MCC: variants seen among roughly 807,000 people sequenced by gnomAD.
The protein encoded by MCC is MCC regulator of Wnt signaling pathway, also known as colorectal mutant cancer protein.
In MCC, 90 loss-of-function variants were observed where a neutral mutation model predicts 116.2. That is an observed-to-expected ratio of 0.77 (90% CI 0.65 to 0.92). MCC has a LOEUF of 0.92. MCC is among the 40% of genes least tolerant of loss of function. MCC has a pLI of 0.00. For synonymous variants in MCC, 578 were observed against 510.5 expected (o/e 1.13, Z -1.78); for missense variants, 1,516 against 1,312.2 (o/e 1.16, Z -2.40).
chr5:113,392,588 T>G (rs762789248), intron 1 of MCC, among the ~76,000 whole-genome samples: 5 of 151,896 alleles, frequency 3.3e-5, no homozygotes, highest in Non-Finnish European at 7.4e-5. Flanking sequence ...CTCAAGAAAT[T>G]TATGCATAAA....
chr5:113,147,429 C>G (rs1449923043), intron 4 of MCC, among the ~76,000 whole-genome samples: 2 of 152,094 alleles, frequency 1.3e-5, no homozygotes, highest in Non-Finnish European at 2.9e-5. Context: ...CTTACTCCAC[C>G]GAGGCCACTG....
chr5:113,296,307 T>C (rs1269180603), intron 3 of MCC, among the ~76,000 whole-genome samples: 1 of 152,230 alleles, frequency 6.6e-6, no homozygotes, highest in Non-Finnish European at 1.5e-5. Context: ...AAGGTGTTTA[T>C]AGACTTGTAA....
chr5:113,206,738 A>G (rs772272922), intron 3 of MCC, among the ~76,000 whole-genome samples: 8 of 152,218 alleles, frequency 5.3e-5, no homozygotes, highest in Non-Finnish European at 1.0e-4. Context: ...ATTTTCAGGC[A>G]CTTTGAGGAA....
chr5:113,409,911 A>T (rs1308225047), intron 1 of MCC, among the ~76,000 whole-genome samples: 1 of 149,894 alleles, frequency 6.7e-6, no homozygotes, highest in African/African-American at 2.5e-5. Flanking sequence ...GGAAAATAGG[A>T]AAAGCAAAGA....
intron 11 of MCC, among the ~76,000 whole-genome samples, chr5:113,081,734 A>C (rs1754870012): frequency 6.6e-6 from 1 of 151,484 alleles, no homozygotes; most frequent in African/African-American, 2.4e-5. Flanking sequence ...TTCTGGATTT[A>C]ATAAGGAAAC....
intron 3 of MCC, among the ~76,000 whole-genome samples, chr5:113,259,677 G>C (rs746742350): frequency 6.6e-6 from 1 of 151,944 alleles, no homozygotes; most frequent in Admixed American, 6.6e-5. Context: ...AGGGTGATTC[G>C]AACTCCTAGA....
chr5:113,122,573 G>C (rs375146348), intron 6 of MCC, 111 bp downstream of exon 6: 1 of 1,288,150 alleles, frequency 7.8e-7, no homozygotes, highest in East Asian at 2.5e-5. Context: ...CATCCACTCA[G>C]CAAACCCCTT....
chr5:113,062,405 G>A (rs954621838), intron 14 of MCC, among the ~76,000 whole-genome samples: 1 of 152,190 alleles, frequency 6.6e-6, no homozygotes, highest in South Asian at 2.1e-4. Context: ...ATTTGTCTCT[G>A]ATTCAGAATA....
chr5:113,069,846 A>G (rs1753908460), intron 12 of MCC, among the ~76,000 whole-genome samples: 1 of 152,228 alleles, frequency 6.6e-6, no homozygotes, highest in African/African-American at 2.4e-5. Flanking sequence ...TCGGCCTCCT[A>G]AAATGCTGGG....
intron 5 of MCC, among the ~76,000 whole-genome samples, chr5:113,137,796 C>A (rs1758927757): frequency 6.6e-6 from 1 of 152,128 alleles, no homozygotes; most frequent in Non-Finnish European, 1.5e-5. Flanking sequence ...GCACCATATA[C>A]TGTTGCTAGT....
chr5:113,186,302 G>A (rs1405740001), intron 3 of MCC, among the ~76,000 whole-genome samples: 1 of 152,110 alleles, frequency 6.6e-6, no homozygotes, highest in Non-Finnish European at 1.5e-5. Flanking sequence ...GCAGCTCCAG[G>A]GGCTATAGAC....
chr5:113,337,662 G>A (rs952947789), intron 3 of MCC, among the ~76,000 whole-genome samples: 1 of 152,124 alleles, frequency 6.6e-6, no homozygotes, highest in Non-Finnish European at 1.5e-5. Flanking sequence ...GTGAATTACT[G>A]TGTGCTTTCT....
chr5:113,048,823 T>G, intron 16 of MCC: 1 of 546,894 alleles, frequency 1.8e-6, no homozygotes. Context: ...ACAGTATCAG[T>G]GGACAACTGC....
At chr5:113,354,498 G>A (rs777378794) in intron 2 of MCC, among the ~76,000 whole-genome samples, 2 of 149,264 alleles carry the variant, frequency 1.3e-5, no homozygotes, top group Admixed American at 6.7e-5. Flanking sequence ...GCAGTGGCAC[G>A]ATCTCGGCTC....
Position 113,294,427 on chromosome 5 carries a change from G to T in MCC, c.627+46092C>A, listed in dbSNP as rs758437196. On this transcript the variant is annotated intron_variant, in intron 3 of 18. Transcript: ENST00000408903. ...CTGGGCTCTCAGTCCCCCAGGTCTC[G>T]GAGCTTAAGAGTTGGACTTCACAGG... 4 of 1,613,142 alleles carry T rather than the reference G, an allele frequency of 2.5e-6. No homozygotes were observed. In the Admixed American group the frequency reaches 6.7e-5, roughly 27 times the overall value.
intron 2 of MCC, among the ~76,000 whole-genome samples, chr5:113,342,621 G>C (rs1245991797): frequency 2.0e-5 from 3 of 152,192 alleles, no homozygotes; most frequent in Admixed American, 2.0e-4. Context: ...CTTCCTGGAG[G>C]AGAAAGCCTG....
At chr5:113,044,408 G>A (rs1437783706) in intron 16 of MCC, 7 of 764,934 alleles carry the variant, frequency 9.2e-6, no homozygotes, top group Non-Finnish European at 1.1e-5. Flanking sequence ...ATGCCTGAGT[G>A]CTCTACATTC....
At chr5:113,088,693 A>G (rs1755375980) in intron 8 of MCC, among the ~76,000 whole-genome samples, 1 of 152,142 alleles carries the variant, frequency 6.6e-6, no homozygotes, top group African/African-American at 2.4e-5. Flanking sequence ...CGAAGAGGCA[A>G]GGAAGGATTC....
intron 3 of MCC, among the ~76,000 whole-genome samples, chr5:113,226,485 A>T (rs1300182815): frequency 2.6e-5 from 4 of 152,270 alleles, no homozygotes; most frequent in Non-Finnish European, 5.9e-5. Flanking sequence ...CAAAGAACAA[A>T]ATCAGGCTTT....
Sources: gnomAD v4.1 joint callset for allele counts (sites outside exome capture counted in the v4.1 genomes callset) on GRCh38, gnomAD v4.1.1 for gene constraint, MANE v1.5 for transcripts, NCBI Gene and HGNC (gene_info 2026-07-23, HGNC 2026-07-21) for gene names.